The following KASH5 variants were observed in gnomAD, a reference collection of about 807,000 sequenced individuals.
KASH5 encodes the protein KASH domain containing 5.
A neutral mutation model predicts 84.2 loss-of-function variants in KASH5; 72 were observed. The observed-to-expected ratio is 0.85, with a 90% CI of 0.71 to 1.04. The LOEUF (loss-of-function observed/expected upper bound fraction) is 1.04, where lower values mean the gene tolerates loss of function less well. KASH5 is among the 50% of genes least tolerant of loss of function. KASH5 has a pLI of 0.00. For missense variants in KASH5, 650 were observed against 701.0 expected (o/e 0.93, Z 0.82); for synonymous variants, 260 against 279.1 (o/e 0.93, Z 0.68).
intron 10 of KASH5, 68 bp from the exon 11 acceptor site, chr19:49,407,172 C>A: frequency 6.4e-7 from 1 of 1,564,218 alleles, no homozygotes; most frequent in Non-Finnish European, 8.8e-7. Context: ...CAGGTGGGGC[C>A]AGGTGGAGGG....
chr19:49,389,904 G>C, intron 1 of KASH5: 1 of 153,376 alleles, frequency 6.5e-6, no homozygotes, highest in East Asian at 1.9e-4. Context: ...CTGGGCTTGG[G>C]GGACCATGTA....
Position 49,416,382 on chromosome 19 carries a change from G to A in KASH5, c.1375-633G>A, listed in dbSNP as rs530807926. On this transcript the variant is annotated intron_variant, in intron 17 of 19. Transcript: ENST00000447857. The surrounding 1 kb of genome is among the most constrained non-coding windows in gnomAD (Gnocchi z 5.4). ...TAATTTTTGTATTTTTAGTAGAGAC[G>A]GAGTTTCGCCATGTTGGCCAGGTTG... Among the ~76,000 whole-genome samples the A allele has an allele frequency of 7.2e-5, 11 of 152,272 alleles. No homozygotes were observed. In the South Asian group the frequency reaches 8.3e-4, roughly 11 times the overall value.
intron 11 of KASH5, 121 bp downstream of exon 11, chr19:49,407,417 G>T: frequency 8.3e-7 from 1 of 1,211,074 alleles, no homozygotes; most frequent in South Asian, 1.4e-5. Context: ...TGGAGAGACT[G>T]GAGGGTTTCC....
intron 16 of KASH5, among the ~76,000 whole-genome samples, chr19:49,413,280 GA>G (rs1258583310): frequency 6.6e-6 from 1 of 152,170 alleles, no homozygotes; most frequent in Admixed American, 6.5e-5. Context: ...TGAATGGGGT[GA>G]GGGGGGGCCT....
At chr19:49,400,367 T>C (rs12982866) in intron 9 of KASH5, among the ~76,000 whole-genome samples, 33,015 of 121,482 alleles carry the variant, frequency 0.27, 3,287 homozygotes, top group South Asian at 0.38. Flanking sequence ...TTTTTTTTTT[T>C]CTTTTTTTTT....
In KASH5 at chr19:49,417,285, C is replaced by T. The variant is rs1479206802; in HGVS notation, c.1547+19C>T. 1 of 1,604,842 alleles carries T rather than the reference C, an allele frequency of 6.2e-7. No individual in the cohort carries two copies. The highest frequency in any genetic ancestry group is 1.3e-5 in the African/African-American group (1 of 74,816). ...GGCTCAGGTGTGCCCCCAGGCGTCT[C>T]CAGAAGGAAGGAGGTGGTCTGACAT... is the stretch of plus-strand genomic sequence containing the variant. On this transcript the variant is annotated intron_variant, in intron 19 of 19. Coordinates refer to ENST00000447857, the MANE Select transcript of KASH5 (RefSeq NM_144688.5). The surrounding 1 kb of genome is among the most constrained non-coding windows in gnomAD (Gnocchi z 5.2).
chr19:49,390,968 G>C lies in KASH5; in HGVS notation c.43+42G>C, dbSNP rs1275295617. 2.5e-6 allele frequency: 4 copies of C among 1,597,498 alleles called. No homozygotes were observed. In the South Asian group the frequency reaches 4.5e-5, roughly 18 times the overall value. ...CTATTTGCCCCGGGGAGGGTGAGGA[G>C]GGAGCCATGGGTGAATGGGTGCCAG... On this transcript the variant is annotated intron_variant, in intron 2 of 19. Transcript: ENST00000447857.
At chr19:49,413,085 G>A (rs1974775563) in intron 16 of KASH5, 59 bp downstream of exon 16, 2 of 1,522,058 alleles carry the variant, frequency 1.3e-6, no homozygotes, top group East Asian at 4.5e-5. Flanking sequence ...GCTGTTTACA[G>A]TAGGAGGACT....
At chr19:49,406,050 C>T (rs1974515737) in intron 9 of KASH5, among the ~76,000 whole-genome samples, 1 of 149,056 alleles carries the variant, frequency 6.7e-6, no homozygotes, top group African/African-American at 2.5e-5. Flanking sequence ...ATCACTTGAA[C>T]CCAGAAGGCA....
rs1974640127 is a variant in KASH5 at position 49,409,410 on chromosome 19, T to G, written c.1146+127T>G. ...GCTGCCAGAGGCTCCTATCGCAACC[T>G]TAGCTTTTCTCTAACTCTCTCTACC... is the stretch of plus-strand genomic sequence containing the variant. On this transcript the variant is annotated intron_variant, in intron 14 of 19. Coordinates refer to ENST00000447857, the MANE Select transcript of KASH5 (RefSeq NM_144688.5). 13 of 1,011,292 alleles carry G rather than the reference T, an allele frequency of 1.3e-5. No individual in the cohort carries two copies. The South Asian group carries it at 2.0e-4, about 15-fold the overall frequency. The allele number at this position is 1,011,292 out of a possible 1,614,324, so 62.6% of individuals were successfully genotyped here.
At position 49,417,308 on chromosome 19, in the gene KASH5, C is replaced by T. The variant is rs1974941206; in HGVS notation, c.1547+42C>T. 1.3e-6 allele frequency: 2 copies of T among 1,590,206 alleles called. No homozygotes were observed. The highest frequency in any genetic ancestry group is 3.5e-5 in the Admixed American group (2 of 56,442). Reference sequence around the variant, plus strand: ...CTCCAGAAGGAAGGAGGTGGTCTGACATTGGGAAGAGCAGGGGCTGCCCAG... The same window carrying T: ...CTCCAGAAGGAAGGAGGTGGTCTGATATTGGGAAGAGCAGGGGCTGCCCAG... On this transcript the variant is annotated intron_variant, in intron 19 of 19. Coordinates refer to ENST00000447857, the MANE Select transcript of KASH5 (RefSeq NM_144688.5). The surrounding 1 kb of genome is among the most constrained non-coding windows in gnomAD (Gnocchi z 5.2).
rs1974635049 is a variant in KASH5, at chr19:49,409,269, G to A, written c.1132G>A (p.Glu378Lys). ...ACCCCCATCGCTGGGCTTGGAGATC[G>A]AGGCCATTCGACAGGTGGGCCTAAC... is the stretch of plus-strand genomic sequence containing the variant. ...LLPPSLGLEI[E>K]AIRQKQEVAT... The change falls in exon 14 of 20, where the codon GAG becomes AAG. Residue 378 changes from glutamate (E) to lysine (K), a missense_variant. Physicochemically the swap from Glu to Lys is moderately conservative, Grantham distance 56. Coordinates refer to ENST00000447857, the MANE Select transcript of KASH5 (RefSeq NM_144688.5). 10 of 1,613,652 alleles carry A rather than the reference G, an allele frequency of 6.2e-6. No homozygotes were observed. The highest frequency in any genetic ancestry group is 1.3e-5 in the African/African-American group (1 of 74,926).
chr19:49,407,696 AC>A (rs1568619818), intron 12 of KASH5, 25 bp downstream of exon 12: 1 of 1,585,210 alleles, frequency 6.3e-7, no homozygotes, highest in South Asian at 1.2e-5. Flanking sequence ...CTCGCCACCC[AC>A]CGCGGCCCTC....
chr19:49,415,682 AC>A (rs2122240827), intron 17 of KASH5: 1 of 159,888 alleles, frequency 6.3e-6, no homozygotes, highest in Admixed American at 5.8e-5. Flanking sequence ...ACCTCCTTCA[AC>A]ATACTACACT....
At chr19:49,388,647 G>A (rs576474964) in intron 1 of KASH5, among the ~76,000 whole-genome samples, 2 of 150,280 alleles carry the variant, frequency 1.3e-5, no homozygotes, top group Admixed American at 6.6e-5. Flanking sequence ...AGCTGAGATC[G>A]CGCCACTGCA....
chr19:49,407,526 AC>A (rs1158471728), intron 11 of KASH5, 85 bp from the exon 12 acceptor site: 23 of 1,415,114 alleles, frequency 1.6e-5, no homozygotes, highest in Non-Finnish European at 2.2e-5. Context: ...CTGTCCCTTA[AC>A]CCCCCAGCCA....
In KASH5 at chr19:49,399,016, C is replaced by G; in HGVS notation, c.630-9C>G. On this transcript the variant is annotated splice_polypyrimidine_tract_variant and intron_variant, in intron 7 of 19. Coordinates refer to ENST00000447857, the MANE Select transcript of KASH5 (RefSeq NM_144688.5). This position sits in a 1 kb window ranked among gnomAD's most constrained non-coding sequence, Gnocchi z 4.4. ...CTCGTATGGCTCATCTGCCCCCACC[C>G]GCATTCAGCACCCAGCAGGCCCTGC... 1 of 1,549,484 alleles carries G rather than the reference C, an allele frequency of 6.5e-7. No homozygotes were observed. Among genetic ancestry groups the G allele is most frequent in the Non-Finnish European group, 8.7e-7 (1 of 1,145,256 alleles).
At chr19:49,390,993 G>C in intron 2 of KASH5, 67 bp downstream of exon 2, 1 of 1,560,590 alleles carries the variant, frequency 6.4e-7, no homozygotes, top group South Asian at 1.1e-5. Flanking sequence ...ATGGGTGCCA[G>C]GCTGTGACTC....
rs1974747820 is a variant in KASH5 at position 49,412,359 on chromosome 19, A to C, written c.1270-609A>C. On this transcript the variant is annotated intron_variant, in intron 15 of 19. Coordinates refer to ENST00000447857, the MANE Select transcript of KASH5 (RefSeq NM_144688.5). The surrounding 1 kb of genome is among the most constrained non-coding windows in gnomAD (Gnocchi z 4.6). ...GACGGGATGTGGGTGATGGGGAGGG[A>C]GGAAAGGAGGCAAGACTTGGAACTT... Among the ~76,000 whole-genome samples, 1 of 152,056 alleles carries C rather than the reference A, an allele frequency of 6.6e-6. No homozygotes were observed. Among genetic ancestry groups the C allele is most frequent in the South Asian group, 2.1e-4 (1 of 4,822 alleles).
Sources: allele counts gnomAD v4.1 joint callset (sites outside exome capture counted in the v4.1 genomes callset), GRCh38; gene constraint gnomAD v4.1.1; non-coding constraint Gnocchi (gnomAD v3.1); transcripts MANE v1.5; gene names NCBI Gene and HGNC (gene_info 2026-07-23, HGNC 2026-07-21).